The following C5orf63 variants were observed in gnomAD, a reference collection of about 807,000 sequenced individuals.
The protein encoded by C5orf63 is glutaredoxin-like protein C5orf63.
A neutral mutation model predicts 13.3 loss-of-function variants in C5orf63; 18 were observed. That is an observed-to-expected ratio of 1.36 (90% confidence interval 0.94 to 2.01). The LOEUF (loss-of-function observed/expected upper bound fraction) is 2.01, where lower values mean the gene tolerates loss of function less well. Ranked by LOEUF, C5orf63 falls within the 30% of genes most tolerant of loss-of-function variation. C5orf63 has a pLI of 0.00. For missense variants in C5orf63, 118 were observed against 127.7 expected, an observed-to-expected ratio of 0.92 and a Z score of 0.36; for synonymous variants, 38 against 44.7, an observed-to-expected ratio of 0.85 and a Z score of 0.60.
chr5:127,048,825 C>A (rs923230914), downstream of C5orf63, among the ~76,000 whole-genome samples: 7 of 152,174 alleles, frequency 4.6e-5, no homozygotes, highest in African/African-American at 1.7e-4. Flanking sequence ...TCTGGCCAGC[C>A]ATGCTTTTTG....
chr5:127,056,618 T>A (rs1372936112), intron 3 of C5orf63: 1 of 152,128 alleles, frequency 6.6e-6, no homozygotes, highest in Non-Finnish European at 1.5e-5. Context: ...TCCCACAACA[T>A]GTGGGAATTA....
downstream of C5orf63, chr5:127,047,689 C>T (rs1462961203): frequency 4.3e-6 from 3 of 703,552 alleles, no homozygotes; most frequent in Non-Finnish European, 7.8e-6. Context: ...AGGATAAAAA[C>T]AACAGGTCAT....
At chr5:127,049,347 T>C (rs760697466), downstream of C5orf63, among the ~76,000 whole-genome samples, 3 of 152,228 alleles carry the variant, frequency 2.0e-5, no homozygotes, top group Non-Finnish European at 4.4e-5. Flanking sequence ...CTGAATATGC[T>C]GTGTCCTTCC....
intron 2 of C5orf63, among the ~76,000 whole-genome samples, chr5:127,066,754 G>T (rs574272048): frequency 2.2e-4 from 34 of 152,112 alleles, no homozygotes; most frequent in African/African-American, 8.2e-4. Context: ...ATGAAACTAG[G>T]TGAAATCATC....
chr5:127,065,436 C>T (rs1347130825), intron 2 of C5orf63, among the ~76,000 whole-genome samples: 1 of 152,148 alleles, frequency 6.6e-6, no homozygotes, highest in Non-Finnish European at 1.5e-5. Flanking sequence ...TATCTTAAAT[C>T]ATTTCATTGA....
intron 3 of C5orf63, 100 bp from the exon 4 acceptor site, chr5:127,052,769 C>T (rs951468288): frequency 6.0e-5 from 48 of 800,776 alleles, no homozygotes; most frequent in Non-Finnish European, 7.8e-5. Flanking sequence ...GCAGATTATA[C>T]TTATTTTAAA....
intron 2 of C5orf63, among the ~76,000 whole-genome samples, chr5:127,066,322 A>G (rs1473766152): frequency 1.3e-5 from 2 of 152,104 alleles, no homozygotes; most frequent in South Asian, 2.1e-4. Context: ...TACATTTTTA[A>G]AAGGAAACTT....
At chr5:127,070,838 G>A (rs1312484981) in intron 2 of C5orf63, among the ~76,000 whole-genome samples, 1 of 152,154 alleles carries the variant, frequency 6.6e-6, no homozygotes, top group African/African-American at 2.4e-5. Flanking sequence ...AAACAACAAA[G>A]GACCCACAAC....
At chr5:127,053,515 T>C (rs1409307430) in intron 3 of C5orf63, among the ~76,000 whole-genome samples, 1 of 152,150 alleles carries the variant, frequency 6.6e-6, no homozygotes, top group Non-Finnish European at 1.5e-5. Flanking sequence ...ACATGTGCCA[T>C]GTTGGTTTGC....
intron 3 of C5orf63, among the ~76,000 whole-genome samples, chr5:127,058,471 T>C (rs1753970907): frequency 1.3e-5 from 2 of 152,342 alleles, no homozygotes; most frequent in East Asian, 1.9e-4. Flanking sequence ...TTTGGTAGGC[T>C]GATGAAAATA....
chr5:127,061,817 G>A (rs1031050173), intron 2 of C5orf63, among the ~76,000 whole-genome samples: 1 of 152,108 alleles, frequency 6.6e-6, no homozygotes, highest in Non-Finnish European at 1.5e-5. Flanking sequence ...CCTTCTAAGA[G>A]AAAGAAAATT....
chr5:127,067,943 A>G (rs17165234), intron 2 of C5orf63, among the ~76,000 whole-genome samples: 6,556 of 152,240 alleles, frequency 0.043, 265 homozygotes, highest in South Asian at 0.14. Context: ...CATAAATGGT[A>G]TAGTTCTTCA....
chr5:127,047,700 A>G (rs772750036), downstream of C5orf63: 2 of 703,846 alleles, frequency 2.8e-6, no homozygotes, highest in Non-Finnish European at 5.2e-6. Flanking sequence ...AACAGGTCAT[A>G]TCAGGACTCT....
chr5:127,061,265 C>T (rs1754094964), intron 2 of C5orf63, among the ~76,000 whole-genome samples: 1 of 152,290 alleles, frequency 6.6e-6, no homozygotes, highest in Non-Finnish European at 1.5e-5. Flanking sequence ...TCACTAGAGA[C>T]AAGGCTCCTC....
At chr5:127,047,856 A>AG (rs1370958905), downstream of C5orf63, 1 of 703,782 alleles carries the variant, frequency 1.4e-6, no homozygotes, top group Admixed American at 2.0e-5. Flanking sequence ...GGGGGTGGGA[A>AG]GGTGAGGAAG....
downstream of C5orf63, chr5:127,044,232 G>C (rs1753469505): frequency 1.3e-5 from 2 of 152,108 alleles, no homozygotes; most frequent in Admixed American, 1.3e-4. Context: ...GCATAAAGAA[G>C]GGATGCCCAT....
chr5:127,061,942 G>A (rs538521317), intron 2 of C5orf63, among the ~76,000 whole-genome samples: 1 of 152,346 alleles, frequency 6.6e-6, no homozygotes, highest in Admixed American at 6.5e-5. Context: ...ATCTGACTAC[G>A]ACCAGGGCAG....
At chr5:127,046,197 A>C (rs1310138213) in exon 5 of C5orf63, 3 of 152,172 alleles carry the variant, frequency 2.0e-5, no homozygotes, top group Non-Finnish European at 4.4e-5. Flanking sequence ...TTTCCCATCC[A>C]CCAAGCACAG....
intron 3 of C5orf63, among the ~76,000 whole-genome samples, chr5:127,058,135 A>G (rs1447809832): frequency 6.6e-6 from 1 of 152,074 alleles, no homozygotes; most frequent in Non-Finnish European, 1.5e-5. Context: ...TTGGTGTACA[A>G]ATGATTTCAT....
Sources: gnomAD v4.1 joint callset for allele counts (sites outside exome capture counted in the v4.1 genomes callset) on GRCh38, gnomAD v4.1.1 for gene constraint, MANE v1.5 for transcripts, NCBI Gene and HGNC (gene_info 2026-07-23, HGNC 2026-07-21) for gene names.